ESRRG: variants seen among roughly 807,000 people sequenced by gnomAD.
ESRRG encodes the protein estrogen related receptor gamma, also known as estrogen-related receptor gamma.
In ESRRG, 13 loss-of-function variants were observed where a neutral mutation model predicts 44.0. That is an observed-to-expected ratio of 0.30 (90% CI 0.19 to 0.47). ESRRG has a LOEUF of 0.47. Ranked by LOEUF, ESRRG falls within the 20% of genes least tolerant of loss-of-function variation. ESRRG has a pLI of 1.00. For synonymous variants in ESRRG, 215 were observed against 214.6 expected (o/e 1.00, Z -0.02); for missense variants, 395 against 580.6 (o/e 0.68, Z 3.29).
chr1:216,727,748 C>A (rs1024773150), upstream of ESRRG, among the ~76,000 whole-genome samples: 2 of 151,964 alleles, frequency 1.3e-5, no homozygotes, highest in African/African-American at 4.8e-5. Context: ...TAATAAAAAC[C>A]CTTCCTTTTG....
intron 6 of ESRRG, among the ~76,000 whole-genome samples, chr1:216,516,938 A>G (rs1486486202): frequency 6.6e-6 from 1 of 152,128 alleles, no homozygotes; most frequent in African/African-American, 2.4e-5. Flanking sequence ...TGGGGCTTGC[A>G]GGTTAGGTGG....
intron 1 of ESRRG, among the ~76,000 whole-genome samples, chr1:216,699,223 T>C (rs2080906746): frequency 6.6e-6 from 1 of 152,170 alleles, no homozygotes; most frequent in Non-Finnish European, 1.5e-5. Context: ...TGTTACCTAG[T>C]AGTTTTATTA....
At position 216,844,204 on chromosome 1, in the gene ESRRG, C is replaced by A. The variant is rs114106109; in HGVS notation, c.-14+95378G>T. Among the ~76,000 whole-genome samples the A allele has an allele frequency of 4.1e-3, 629 of 152,164 alleles. 9 individuals carry two copies. Among genetic ancestry groups the A allele is most frequent in the Admixed American group, 8.0e-3 (122 of 15,276 alleles). ...CATTACAGGCCTGGAGAGTTAAGAT[C>A]CAGATCCTCCCTAAACCTTTCACTC... On this transcript the variant is annotated intron_variant, in intron 2 of 7. Transcript: ENST00000359162.
At chr1:216,697,985 T>C (rs1286883174) in intron 1 of ESRRG, among the ~76,000 whole-genome samples, 2 of 152,184 alleles carry the variant, frequency 1.3e-5, no homozygotes, top group African/African-American at 2.4e-5. Flanking sequence ...TCAGCCTCAG[T>C]AGCTGCTGGC....
At chr1:216,818,797 G>A (rs755563416) in intron 2 of ESRRG, among the ~76,000 whole-genome samples, 1 of 152,012 alleles carries the variant, frequency 6.6e-6, no homozygotes, top group African/African-American at 2.4e-5. Flanking sequence ...CCCAGTGTGT[G>A]TTGTTCCCCC....
chr1:216,901,907 C>T (rs1315356319), intron 2 of ESRRG, among the ~76,000 whole-genome samples: 1 of 152,126 alleles, frequency 6.6e-6, no homozygotes, highest in East Asian at 1.9e-4. Context: ...TATGCACCAC[C>T]ATGCCCAGCT....
At chr1:216,574,380 A>G (rs1327527154) in intron 3 of ESRRG, among the ~76,000 whole-genome samples, 2 of 152,168 alleles carry the variant, frequency 1.3e-5, no homozygotes, top group Non-Finnish European at 2.9e-5. Context: ...ATAAACACCA[A>G]TAGAAGTAAA....
intron 3 of ESRRG, among the ~76,000 whole-genome samples, chr1:216,603,234 T>C (rs1315765319): frequency 6.6e-6 from 1 of 152,238 alleles, no homozygotes; most frequent in East Asian, 1.9e-4. Context: ...CTCTTATTTT[T>C]TTAACAATAA....
Position 216,507,019 on chromosome 1 carries a change from G to T in ESRRG, c.1297C>A (p.Gln433Lys), listed in dbSNP as rs2041359852. ...LLRQTSTKAV[Q>K]HFYNIKLEGK... Reference sequence around the variant, plus strand: ...TCTAGTTTGATGTTGTAGAAATGCTGCACGGCCTTGGTAGAGGTCTGCCTC... The same window carrying T: ...TCTAGTTTGATGTTGTAGAAATGCTTCACGGCCTTGGTAGAGGTCTGCCTC... Residue 433 changes from glutamine (Q) to lysine (K), a missense_variant, in exon 7 of 7, where the codon CAG (glutamine) becomes AAG (lysine). Transcript: ENST00000408911. 1.9e-6 allele frequency: 3 copies of T among 1,614,000 alleles called. No individual in the cohort carries two copies. The highest frequency in any genetic ancestry group is 8.5e-7 in the Non-Finnish European group (1 of 1,180,016).
At chr1:216,624,611 T>C (rs888528804) in intron 3 of ESRRG, among the ~76,000 whole-genome samples, 4 of 152,234 alleles carry the variant, frequency 2.6e-5, no homozygotes, top group Non-Finnish European at 5.9e-5. Context: ...ACTGCCATTC[T>C]TTCTCAGTTT....
At position 217,136,123 on chromosome 1, in the gene ESRRG, T is replaced by C. The variant is rs73104927; in HGVS notation, c.-230+1544A>G. 4.0e-3 allele frequency among the ~76,000 whole-genome samples: 610 copies of C among 152,232 alleles called. 5 individuals are homozygous for C. Among genetic ancestry groups the C allele is most frequent in the African/African-American group, 0.014 (580 of 41,548 alleles). ...CTACCCTTCTCCCCCACCCAACAAC[T>C]GGCACTGGATGGGAAGGGCAAAGAG... On this transcript the variant is annotated intron_variant, in intron 1 of 8. Transcript: ENST00000366940.
intron 3 of ESRRG, among the ~76,000 whole-genome samples, chr1:216,570,114 T>C (rs1470179521): frequency 6.6e-6 from 1 of 152,208 alleles, no homozygotes; most frequent in African/African-American, 2.4e-5. Flanking sequence ...ACTTTAAGCG[T>C]TGATTATCTT....
At chr1:216,754,485 C>G (rs2092316183) in intron 2 of ESRRG, among the ~76,000 whole-genome samples, 1 of 151,934 alleles carries the variant, frequency 6.6e-6, no homozygotes, top group African/African-American at 2.4e-5. Context: ...AGCATCTTTC[C>G]TTCTGTACCC....
chr1:216,591,674 A>G (rs1180735292), intron 3 of ESRRG, among the ~76,000 whole-genome samples: 1 of 152,198 alleles, frequency 6.6e-6, no homozygotes, highest in African/African-American at 2.4e-5. Context: ...GTGCCAGAAA[A>G]GTAAGAAAAT....
At chr1:216,572,335 A>G (rs1430316798) in intron 3 of ESRRG, among the ~76,000 whole-genome samples, 1 of 152,122 alleles carries the variant, frequency 6.6e-6, no homozygotes, top group Non-Finnish European at 1.5e-5. Flanking sequence ...ACCTACAAAC[A>G]AGGGACATAG....
chr1:216,899,025 G>T (rs901366895), intron 2 of ESRRG, among the ~76,000 whole-genome samples: 3 of 152,136 alleles, frequency 2.0e-5, no homozygotes, highest in Non-Finnish European at 4.4e-5. Flanking sequence ...CTGAGTCACA[G>T]GTAGGACTGG....
intron 3 of ESRRG, among the ~76,000 whole-genome samples, chr1:216,569,081 A>AAAGGAAGGAAGGAAGGAAGG (rs56064287): frequency 3.5e-4 from 34 of 98,192 alleles, no homozygotes; most frequent in South Asian, 7.6e-4. Flanking sequence ...AGACAGAGAG[A>AAAGGAAGGAAGGAAGGAAGG]AAGGAAGGAA....
rs141303378 is a variant in ESRRG at position 216,747,606 on chromosome 1, A to G, written c.-13-70115T>C. Among the ~76,000 whole-genome samples the G allele has an allele frequency of 2.0e-5, 3 of 152,304 alleles. No homozygotes were observed. The East Asian group carries it at 5.8e-4, about 29-fold the overall frequency. ...TGCATTTCCTTCCAAAATAGTTATG[A>G]TGATTTTTATCAAATAATCCATAAA... On this transcript the variant is annotated intron_variant, in intron 2 of 7. Transcript: ENST00000359162.
intron 2 of ESRRG, among the ~76,000 whole-genome samples, chr1:216,783,685 T>C (rs1166165832): frequency 6.6e-6 from 1 of 151,904 alleles, no homozygotes; most frequent in Non-Finnish European, 1.5e-5. Flanking sequence ...GGAATTCAAG[T>C]CCTCCTAGGA....
Sources: gnomAD v4.1 joint callset for allele counts (sites outside exome capture counted in the v4.1 genomes callset) on GRCh38, gnomAD v4.1.1 for gene constraint, MANE v1.5 for transcripts, NCBI Gene and HGNC (gene_info 2026-07-23, HGNC 2026-07-21) for gene names.